The following PEG3 variants were observed in gnomAD, a reference collection of about 807,000 sequenced individuals.
The protein encoded by PEG3 is paternally-expressed gene 3 protein.
Under a neutral mutation model 35.5 loss-of-function variants are expected in PEG3, and 23 were observed. The observed-to-expected ratio is 0.65, with a 90% CI of 0.47 to 0.92. The LOEUF (loss-of-function observed/expected upper bound fraction) is 0.92, where lower values mean the gene tolerates loss of function less well. PEG3 is among the 40% of genes least tolerant of loss of function. The probability of loss-of-function intolerance (pLI) is 0.00; values close to 1 mark genes in which losing one functional copy is unlikely to be tolerated. For synonymous variants in PEG3, 707 were observed against 697.0 expected (o/e 1.01, Z -0.23); for missense variants, 1,960 against 1,985.3 (o/e 0.99, Z 0.24).
rs1002722680 is a variant in PEG3 at position 56,821,840 on chromosome 19, C to T, written c.566-86G>A. The T allele has an allele frequency of 4.8e-6, 7 of 1,448,630 alleles. No individual in the cohort carries two copies. In the African/African-American group the frequency reaches 7.0e-5, roughly 14 times the overall value. The allele number at this position is 1,448,630 out of a possible 1,614,324, so 89.7% of individuals were successfully genotyped here. A position where few individuals can be genotyped will look rare whatever the true frequency, so the allele number is the denominator to read the frequency against. ...TTGTCCCACTCAACTATGAAGCCAG[C>T]TGGGGTGTGAGTGTATGAGAGCAAG... On this transcript the variant is annotated intron_variant, in intron 6 of 9. Transcript: ENST00000326441.
At position 56,814,336 on chromosome 19, in the gene PEG3, G is replaced by A. The variant is rs746742767; in HGVS notation, c.4106C>T (p.Ala1369Val). Residue 1369 changes from alanine (A) to valine (V), a missense_variant, in exon 10 of 10, where the codon GCA (alanine) becomes GTA (valine). Ala to Val is a moderately conservative substitution (Grantham distance 64). Transcript: ENST00000326441. The surrounding 1 kb of genome is among the most constrained non-coding windows in gnomAD (Gnocchi z 5.8). The part of the protein sequence containing the change: ...EEDEAAAAAA[A>V]AAQEVEANVH... ...ATTGGCTTCAACTTCCTGGGCTGCT[G>A]CTGCTGCAGCTGCTGCTGCTTCATC... is the stretch of plus-strand genomic sequence containing the variant. 1 of 1,613,346 alleles carries A rather than the reference G, an allele frequency of 6.2e-7. No homozygotes were observed. The highest frequency in any genetic ancestry group is 1.1e-5 in the South Asian group (1 of 91,030).
chr19:56,814,617 A>T lies in PEG3; in HGVS notation c.3825T>A (p.Ser1275Arg). The T allele has an allele frequency of 6.2e-7, 1 of 1,614,098 alleles. No homozygotes were observed. The highest frequency in any genetic ancestry group is 2.2e-5 in the East Asian group (1 of 44,868). The change falls in exon 10 of 10, where the codon AGT becomes AGA. Residue 1275 changes from serine (S) to arginine (R), a missense_variant. Around this residue, in one of 5 missense-constraint regions of PEG3, gnomAD observed 416 missense variants for 416.7 expected, o/e 1.00. Transcript: ENST00000326441. This position sits in a 1 kb window ranked among gnomAD's most constrained non-coding sequence, Gnocchi z 5.8. ...PGLALTEFQR[S>R]QTEERLFECA... is the part of the protein sequence containing the mutation. ...ATTCAAAGAGTCTCTCTTCGGTCTG[A>T]CTTCTCTGAAACTCAGTGAGGGCTA...
chr19:56,833,394 T>C, intron 2 of PEG3: 8 of 344,982 alleles, frequency 2.3e-5, no homozygotes, highest in South Asian at 1.8e-4. Flanking sequence ...GTCTCTCTTC[T>C]TGTTTGCTCC....
chr19:56,837,348 TG>T (rs1451416931), intron 1 of PEG3, among the ~76,000 whole-genome samples: 1 of 152,214 alleles, frequency 6.6e-6, no homozygotes, highest in African/African-American at 2.4e-5. Context: ...CACCTCCAGC[TG>T]TACGATTTTG....
At position 56,815,264 on chromosome 19, in the gene PEG3, C is replaced by T. The variant is rs949777375; in HGVS notation, c.3178G>A (p.Gly1060Ser). Reference protein sequence around the residue: ...QKIYDQEKSHGEESQGENTDG... With the variant: ...QKIYDQEKSHSEESQGENTDG... ...GTATTCTCGCCTTGAGACTCCTCGC[C>T]ATGAGACTTCTCTTGGTCATAGATT... The change falls in exon 10 of 10, where the codon GGC (glycine) becomes AGC (serine). Residue 1060 changes from glycine (G) to serine (S), a missense_variant. Transcript: ENST00000326441. 6.2e-7 allele frequency: 1 copy of T among 1,614,240 alleles called. No individual in the cohort carries two copies.
At chr19:56,828,345 A>G (rs554698485) in intron 2 of PEG3, among the ~76,000 whole-genome samples, 37 of 152,276 alleles carry the variant, frequency 2.4e-4, no homozygotes, top group African/African-American at 8.9e-4. Flanking sequence ...ATACCCCTCA[A>G]TTACACCCAA....
Position 56,813,201 on chromosome 19 carries a change from C to CAA in PEG3, c.*472_*473dup, listed in dbSNP as rs35563894. 81 of 857,016 alleles carry CAA rather than the reference C, an allele frequency of 9.5e-5. No individual in the cohort carries two copies. The highest frequency in any genetic ancestry group is 6.0e-4 in the Middle Eastern group (1 of 1,676). 53.1% of individuals were successfully genotyped at this position (857,016 alleles called of 1,614,324 possible). A position where few individuals can be genotyped will look rare whatever the true frequency, so the allele number is the denominator to read the frequency against. The stretch of plus-strand genomic sequence containing the variant: ...CAAATTTGTTGCTCTCTTCCTCCTC[C>CAA]AAAAAAAAAAAAAATTCAAAGAATA... On this transcript the variant is annotated 3_prime_UTR_variant, in exon 10 of 10. Coordinates refer to ENST00000326441, the MANE Select transcript of PEG3 (RefSeq NM_006210.3).
At position 56,836,485 on chromosome 19, in the gene PEG3, G is replaced by A. The variant is rs767395616; in HGVS notation, c.-249-381C>T. Among the ~76,000 whole-genome samples the A allele has an allele frequency of 2.6e-5, 4 of 152,060 alleles. No homozygotes were observed. The East Asian group carries it at 5.8e-4, about 22-fold the overall frequency. On this transcript the variant is annotated intron_variant, in intron 1 of 9. Coordinates refer to ENST00000326441, the MANE Select transcript of PEG3 (RefSeq NM_006210.3). ...ATTAGGTAATAGTACCCTTTATCAC[G>A]TAAAATATTTTAGGGTTTATCAACA...
intron 7 of PEG3, among the ~76,000 whole-genome samples, chr19:56,819,137 T>C (rs1394705304): frequency 4.0e-5 from 6 of 151,802 alleles, no homozygotes; most frequent in Admixed American, 6.6e-5. Flanking sequence ...TAGAAAGGGA[T>C]TGGTGGGAAA....
chr19:56,812,891 T>C lies in PEG3; in HGVS notation c.*784A>G. On this transcript the variant is annotated 3_prime_UTR_variant, in exon 10 of 10. Transcript: ENST00000326441. Reference sequence around the variant, plus strand: ...GAACCACTTCAACAAACATAACATGTGGCAACCAATCAATCTGGGTCACAA... The same window carrying C: ...GAACCACTTCAACAAACATAACATGCGGCAACCAATCAATCTGGGTCACAA... The C allele has an allele frequency of 2.0e-6, 2 of 985,356 alleles. No individual in the cohort carries two copies. Among genetic ancestry groups the C allele is most frequent in the Non-Finnish European group, 2.4e-6 (2 of 829,890 alleles). The allele number at this position is 985,356 out of a possible 1,614,324, so 61.0% of individuals were successfully genotyped here. A position where few individuals can be genotyped will look rare whatever the true frequency, so the allele number is the denominator to read the frequency against.
chr19:56,828,256 T>C (rs1054971896), intron 2 of PEG3, among the ~76,000 whole-genome samples: 1 of 152,170 alleles, frequency 6.6e-6, no homozygotes, highest in African/African-American at 2.4e-5. Context: ...TGAAAGTCAA[T>C]TTAGAAAACC....
intron 1 of PEG3, among the ~76,000 whole-genome samples, 159 bp downstream of exon 1, chr19:56,840,423 C>T (rs1251242254): frequency 2.0e-5 from 3 of 152,186 alleles, no homozygotes; most frequent in Non-Finnish European, 4.4e-5. Flanking sequence ...GGGCAGCGGG[C>T]GGCCAAGTAC....
In PEG3 at chr19:56,816,112, G is replaced by A. The variant is rs558472390; in HGVS notation, c.2330C>T (p.Ser777Phe). The change falls in exon 10 of 10, where the codon TCT becomes TTT. Residue 777 changes from serine (S) to phenylalanine (F), a missense_variant. Physicochemically the swap from Ser to Phe is radical, Grantham distance 155. Coordinates refer to ENST00000326441, the MANE Select transcript of PEG3 (RefSeq NM_006210.3). ...CACAGAGGCTAAGCTATGAATAACA[G>A]ACCTCTCATATGATTTTGCCTCATA... Reference protein sequence around the residue: ...NVYEAKSYERSVIHSLASVEA... With the variant: ...NVYEAKSYERFVIHSLASVEA... 38 of 1,612,330 alleles carry A rather than the reference G, an allele frequency of 2.4e-5. No individual in the cohort carries two copies. The highest frequency in any genetic ancestry group is 1.8e-4 in the South Asian group (16 of 90,898).
chr19:56,837,502 C>G lies in PEG3; in HGVS notation c.-249-1398G>C, dbSNP rs561954723. 4.7e-4 allele frequency among the ~76,000 whole-genome samples: 71 copies of G among 152,372 alleles called. 1 individual carries two copies. Among genetic ancestry groups the G allele is most frequent in the African/African-American group, 1.5e-3 (64 of 41,592 alleles). On this transcript the variant is annotated intron_variant, in intron 1 of 9. Transcript: ENST00000326441. Reference sequence around the variant, plus strand: ...CGTCTGAGTTTGGCCTTGGATTCCACTTTTCTGCTCACTGACCCAAGGCTG... The same window carrying G: ...CGTCTGAGTTTGGCCTTGGATTCCAGTTTTCTGCTCACTGACCCAAGGCTG...
chr19:56,819,242 C>T (rs1230336063), intron 7 of PEG3, among the ~76,000 whole-genome samples: 1 of 152,202 alleles, frequency 6.6e-6, no homozygotes, highest in Non-Finnish European at 1.5e-5. Context: ...GTGACTTAAA[C>T]CTCCCTCCCG....
rs201077992 is a variant in PEG3 at position 56,817,504 on chromosome 19, A to C, written c.938T>G (p.Val313Gly). 4 of 1,609,488 alleles carry C rather than the reference A, an allele frequency of 2.5e-6. No individual in the cohort carries two copies. Among genetic ancestry groups the C allele is most frequent in the Non-Finnish European group, 2.5e-6 (3 of 1,177,404 alleles). The change falls in exon 10 of 10, where the codon GTG becomes GGG. Residue 313 changes from valine to glycine, a missense_variant. By Grantham distance (109) the Val-to-Gly change is moderately radical. Transcript: ENST00000326441. ...ATCCTTGATGAATTTTTCCATTATC[A>C]CTCCGTGGGAAGATTCATCTTCACA... is the stretch of plus-strand genomic sequence containing the variant. ...GICEDESSHG[V>G]IMEKFIKDVS... is the part of the protein sequence containing the mutation.
chr19:56,819,322 A>G (rs920547283), intron 7 of PEG3, among the ~76,000 whole-genome samples: 1 of 152,224 alleles, frequency 6.6e-6, no homozygotes, highest in Non-Finnish European at 1.5e-5. Context: ...ATCACCCAGG[A>G]ATAACTGTAA....
In PEG3 at chr19:56,826,419, C is replaced by G. The variant is rs190245078; in HGVS notation, c.-118G>C. 3 of 152,340 alleles carry G rather than the reference C, an allele frequency of 2.0e-5. No individual in the cohort carries two copies. Among genetic ancestry groups the G allele is most frequent in the Admixed American group, 6.5e-5 (1 of 15,300 alleles). 9.4% of individuals were successfully genotyped at this position (152,340 alleles called of 1,614,324 possible). On this transcript the variant is annotated 5_prime_UTR_variant, in exon 3 of 10. Coordinates refer to ENST00000326441, the MANE Select transcript of PEG3 (RefSeq NM_006210.3). ...GGGAACAGGATCCTTTCTGGAACTT[C>G]AGACCAAGCAGCTATCCACAGGAAC...
chr19:56,827,416 T>TG (rs2061152837), intron 2 of PEG3, among the ~76,000 whole-genome samples: 1 of 147,088 alleles, frequency 6.8e-6, no homozygotes, highest in African/African-American at 2.5e-5. Flanking sequence ...AGAAAAACCT[T>TG]AAAAAAAAAA....
Sources: gnomAD v4.1 joint callset for allele counts (sites outside exome capture counted in the v4.1 genomes callset) on GRCh38, gnomAD v4.1.1 for gene constraint, gnomAD v4.1.1 regional missense constraint, Gnocchi (gnomAD v3.1) non-coding constraint, MANE v1.5 for transcripts, NCBI Gene and HGNC (gene_info 2026-07-23, HGNC 2026-07-21) for gene names.